The following COL14A1 variants were observed in gnomAD, a reference collection of about 807,000 sequenced individuals.
COL14A1 encodes the protein collagen type XIV alpha 1 chain.
Under a neutral mutation model 230.3 loss-of-function variants are expected in COL14A1, and 136 were observed. That is an observed-to-expected ratio of 0.59 (90% CI 0.51 to 0.68). The LOEUF is 0.68. COL14A1 is among the 30% of genes least tolerant of loss of function. COL14A1 has a pLI of 0.00. For missense variants in COL14A1, 1,976 were observed against 2,215.8 expected, an observed-to-expected ratio of 0.89 and a Z score of 2.17; for synonymous variants, 792 against 784.1, an observed-to-expected ratio of 1.01 and a Z score of -0.17.
chr8:120,200,155 G>A (rs1488902990), intron 8 of COL14A1, among the ~76,000 whole-genome samples: 7 of 131,504 alleles, frequency 5.3e-5, no homozygotes, highest in South Asian at 4.8e-4. Flanking sequence ...CAATGGGAAC[G>A]TCTTCTATTT....
intron 2 of COL14A1, among the ~76,000 whole-genome samples, chr8:120,155,301 T>C (rs1194534787): frequency 6.6e-6 from 1 of 152,204 alleles, no homozygotes; most frequent in Non-Finnish European, 1.5e-5. Flanking sequence ...CACTTTGTTT[T>C]CTTGAGCAAT....
At chr8:120,284,128 C>T (rs1458138098) in intron 32 of COL14A1, among the ~76,000 whole-genome samples, 1 of 152,068 alleles carries the variant, frequency 6.6e-6, no homozygotes, top group Non-Finnish European at 1.5e-5. Context: ...TGGACATAGA[C>T]ATAATAAAAG....
chr8:120,144,677 A>G (rs186238671), intron 1 of COL14A1, among the ~76,000 whole-genome samples: 81 of 152,334 alleles, frequency 5.3e-4, no homozygotes, highest in African/African-American at 1.9e-3. Flanking sequence ...GATTGCAAAC[A>G]ATGCAGTTGT....
At chr8:120,239,455 C>G (rs374110902) in intron 19 of COL14A1, among the ~76,000 whole-genome samples, 203 of 152,228 alleles carry the variant, frequency 1.3e-3, no homozygotes, top group African/African-American at 4.5e-3. Flanking sequence ...ACCCCAGAAT[C>G]CTTTAAGGAA....
At chr8:120,200,734 TA>T (rs1311823411) in intron 8 of COL14A1, among the ~76,000 whole-genome samples, 1 of 56,718 alleles carries the variant, frequency 1.8e-5, no homozygotes, top group Non-Finnish European at 3.4e-5. Flanking sequence ...TATATATATA[TA>T]TATATATATA....
intron 26 of COL14A1, 35 bp from the exon 27 acceptor site, chr8:120,278,076 A>G (rs1220859378): frequency 6.4e-7 from 1 of 1,573,918 alleles, no homozygotes; most frequent in Admixed American, 1.9e-5. Flanking sequence ...GGAAGTCTAC[A>G]TATGTGTGAA....
At chr8:120,178,147 C>A (rs1274323163) in intron 5 of COL14A1, among the ~76,000 whole-genome samples, 1 of 151,846 alleles carries the variant, frequency 6.6e-6, no homozygotes, top group East Asian at 1.9e-4. Flanking sequence ...AGTTTTGTTA[C>A]GTAGGTATAC....
At chr8:120,137,334 T>C (rs1179828744) in intron 1 of COL14A1, among the ~76,000 whole-genome samples, 1 of 152,100 alleles carries the variant, frequency 6.6e-6, no homozygotes, top group Non-Finnish European at 1.5e-5. Flanking sequence ...CCTGGTATTG[T>C]TAATTGTGTT....
At chr8:120,254,626 C>A (rs1485667929) in intron 22 of COL14A1, among the ~76,000 whole-genome samples, 2 of 151,210 alleles carry the variant, frequency 1.3e-5, no homozygotes, top group Non-Finnish European at 2.9e-5. Flanking sequence ...TTAAAATTAC[C>A]CAACATTTCA....
intron 18 of COL14A1, among the ~76,000 whole-genome samples, chr8:120,230,803 A>T (rs10089433): frequency 0.64 from 97,719 of 152,028 alleles, 31,667 homozygotes; most frequent in East Asian, 0.84. Flanking sequence ...ATGAGAAAAG[A>T]TGGACAAAGG....
chr8:120,309,240 A>G (rs1408346000), intron 36 of COL14A1, among the ~76,000 whole-genome samples: 1 of 152,148 alleles, frequency 6.6e-6, no homozygotes, highest in Admixed American at 6.5e-5. Flanking sequence ...TGGCCAATCT[A>G]GCTGAATTTA....
At chr8:120,227,458 A>G (rs751370136) in intron 17 of COL14A1, 106 bp downstream of exon 17, 21 of 1,402,676 alleles carry the variant, frequency 1.5e-5, no homozygotes, top group Non-Finnish European at 1.9e-5. Flanking sequence ...GTAAGCTTCA[A>G]TTTCTCTTTG....
rs1821131407 is a variant in COL14A1 at position 120,314,109 on chromosome 8, G to C, written c.4551+82G>C. ...TACAAAGAATGAACTTTTGTCTTCT[G>C]TGTCTTAATAATGAACCTCAGTCCC... On this transcript the variant is annotated intron_variant, in intron 38 of 47. Coordinates refer to ENST00000297848, the MANE Select transcript of COL14A1 (RefSeq NM_021110.4). The C allele has an allele frequency of 5.9e-6, 6 of 1,018,560 alleles. No homozygotes were observed. The South Asian group carries it at 9.8e-5, about 17-fold the overall frequency. 63.1% of individuals were successfully genotyped at this position (1,018,560 alleles called of 1,614,324 possible). A position where few individuals can be genotyped will look rare whatever the true frequency, so the allele number is the denominator to read the frequency against.
chr8:120,203,412 G>C (rs917089794), intron 8 of COL14A1, among the ~76,000 whole-genome samples: 7 of 151,900 alleles, frequency 4.6e-5, no homozygotes, highest in Admixed American at 4.6e-4. Flanking sequence ...TTTCATCTTG[G>C]CAATGGTACA....
chr8:120,237,189 T>C (rs897971383), intron 19 of COL14A1, among the ~76,000 whole-genome samples: 6 of 152,208 alleles, frequency 3.9e-5, no homozygotes, highest in Admixed American at 2.0e-4. Flanking sequence ...TCCTGGATAA[T>C]ATCCTGAAGT....
intron 45 of COL14A1, among the ~76,000 whole-genome samples, chr8:120,366,200 A>G (rs899495293): frequency 2.0e-5 from 3 of 152,260 alleles, no homozygotes; most frequent in African/African-American, 7.2e-5. Flanking sequence ...CATTATATTT[A>G]AAGTAAACAA....
At chr8:120,192,415 A>G (rs976934869) in intron 5 of COL14A1, among the ~76,000 whole-genome samples, 4 of 152,144 alleles carry the variant, frequency 2.6e-5, no homozygotes, top group Non-Finnish European at 4.4e-5. Context: ...CGAGAGATCC[A>G]CTGTTAGTCT....
intron 35 of COL14A1, among the ~76,000 whole-genome samples, chr8:120,298,600 T>TATATATA (rs1820604097): frequency 2.6e-5 from 1 of 38,944 alleles, no homozygotes; most frequent in African/African-American, 1.0e-4. Flanking sequence ...ATATATTTTA[T>TATATATA]ATATATATAT....
At chr8:120,217,002 G>A (rs952520033) in intron 14 of COL14A1, among the ~76,000 whole-genome samples, 6 of 152,150 alleles carry the variant, frequency 3.9e-5, no homozygotes, top group South Asian at 2.1e-4. Flanking sequence ...CAGATTTATA[G>A]GTGGGGAGAA....
Sources: gnomAD v4.1 joint callset for allele counts (sites outside exome capture counted in the v4.1 genomes callset) on GRCh38, gnomAD v4.1.1 for gene constraint, MANE v1.5 for transcripts, NCBI Gene and HGNC (gene_info 2026-07-23, HGNC 2026-07-21) for gene names.